Variants in POLR3B observed in about 807,000 individuals in gnomAD.
The protein encoded by POLR3B is DNA-directed RNA polymerase III subunit RPC2.
In POLR3B, 96 loss-of-function variants were observed where a neutral mutation model predicts 147.4. That is an observed-to-expected ratio of 0.65 (90% CI 0.55 to 0.77). The LOEUF (loss-of-function observed/expected upper bound fraction) is 0.77, where lower values mean the gene tolerates loss of function less well. POLR3B is among the 30% of genes least tolerant of loss of function. The probability of loss-of-function intolerance (pLI) is 0.00; values close to 1 mark genes in which losing one functional copy is unlikely to be tolerated. For synonymous variants in POLR3B, 461 were observed against 485.9 expected, an observed-to-expected ratio of 0.95 and a Z score of 0.67; for missense variants, 1,036 against 1,413.5, an observed-to-expected ratio of 0.73 and a Z score of 4.28.
At chr12:106,360,901 G>A (rs760593148) in intron 1 of POLR3B, among the ~76,000 whole-genome samples, 15 of 152,198 alleles carry the variant, frequency 9.9e-5, no homozygotes, top group Non-Finnish European at 1.6e-4. Context: ...ACAAGTAGGC[G>A]AGGGGTATTT....
In POLR3B at chr12:106,509,715, C is replaced by G. The variant is rs1254726720; in HGVS notation, c.*166C>G. 1.7e-6 allele frequency: 1 copy of G among 604,022 alleles called. No homozygotes were observed. Among genetic ancestry groups the G allele is most frequent in the Admixed American group, 2.5e-5 (1 of 39,840 alleles). 37.4% of individuals were successfully genotyped at this position (604,022 alleles called of 1,614,324 possible). A position where few individuals can be genotyped will look rare whatever the true frequency, so the allele number is the denominator to read the frequency against. ...GGCTTTTTATATACTCTAAGACTGG[C>G]TAAACAACCTTGATCATTGAGCCTC... On this transcript the variant is annotated 3_prime_UTR_variant, in exon 28 of 28. Transcript: ENST00000228347.
At chr12:106,443,513 A>G (rs2137015849) in intron 18 of POLR3B, among the ~76,000 whole-genome samples, 1 of 149,638 alleles carries the variant, frequency 6.7e-6, no homozygotes, top group South Asian at 2.1e-4. Flanking sequence ...GTTGGTCTAT[A>G]GTAACTATTC....
chr12:106,475,749 C>A (rs2038158381), intron 23 of POLR3B, among the ~76,000 whole-genome samples: 1 of 147,948 alleles, frequency 6.8e-6, no homozygotes, highest in Non-Finnish European at 1.5e-5. Context: ...TTATTTTGAG[C>A]CTATGTGTGT....
intron 7 of POLR3B, 115 bp from the exon 8 acceptor site, chr12:106,378,152 G>C: frequency 1.3e-6 from 1 of 771,850 alleles, no homozygotes; most frequent in Non-Finnish European, 2.4e-6. Context: ...GTGTTAGCCA[G>C]TGCCATGAAG....
chr12:106,480,306 A>G (rs1276541202), intron 23 of POLR3B, among the ~76,000 whole-genome samples: 1 of 152,196 alleles, frequency 6.6e-6, no homozygotes, highest in African/African-American at 2.4e-5. Context: ...TCTGTGTCCC[A>G]TGGATAGAAC....
chr12:106,412,908 A>G (rs2037248163), intron 12 of POLR3B, among the ~76,000 whole-genome samples: 1 of 152,130 alleles, frequency 6.6e-6, no homozygotes, highest in African/African-American at 2.4e-5. Flanking sequence ...ACATCTTTTT[A>G]TGTGCCTATT....
At chr12:106,369,240 A>C in intron 4 of POLR3B, 35 bp from the exon 5 acceptor site, 1 of 1,079,376 alleles carries the variant, frequency 9.3e-7, no homozygotes, top group Non-Finnish European at 1.4e-6. Flanking sequence ...ATCTTCGAAG[A>C]AGTATAATTC....
Position 106,405,913 on chromosome 12 carries a change from A to C in POLR3B, c.903A>C (p.Pro301=). ...VRRQRMWGGG[P]KKTKIEEARE... is the part of the protein sequence containing the mutation. ...GGCAAAGGATGTGGGGAGGTGGACC[A>C]AAGAAAACCAAAATAGAAGAAGCAA... Residue 301 remains proline, a synonymous_variant, in exon 11 of 28, where the codon CCA becomes CCC. Coordinates refer to ENST00000228347, the MANE Select transcript of POLR3B (RefSeq NM_018082.6). 6.2e-7 allele frequency: 1 copy of C among 1,613,868 alleles called. No individual in the cohort carries two copies. Among genetic ancestry groups the C allele is most frequent in the South Asian group, 1.1e-5 (1 of 91,086 alleles).
intron 9 of POLR3B, among the ~76,000 whole-genome samples, chr12:106,386,778 G>T (rs1170210814): frequency 6.6e-6 from 1 of 151,976 alleles, no homozygotes; most frequent in East Asian, 1.9e-4. Flanking sequence ...ATGGTGGCAG[G>T]TGCCTGTAGT....
Position 106,504,046 on chromosome 12 carries a change from A to G in POLR3B, c.3099-35A>G, listed in dbSNP as rs113701122. 7 of 1,599,348 alleles carry G rather than the reference A, an allele frequency of 4.4e-6. No homozygotes were observed. Among genetic ancestry groups the G allele is most frequent in the African/African-American group, 1.3e-5 (1 of 74,742 alleles). On this transcript the variant is annotated intron_variant, in intron 26 of 27. Transcript: ENST00000228347. This position sits in a 1 kb window ranked among gnomAD's most constrained non-coding sequence, Gnocchi z 4.6. ...GCTACCTCTTTGTTTGTTTAACAGA[A>G]TAATAACACATTTGTCTAATAACTT...
chr12:106,493,622 C>T (rs981599327), intron 23 of POLR3B, among the ~76,000 whole-genome samples: 14 of 152,220 alleles, frequency 9.2e-5, no homozygotes, highest in Admixed American at 6.5e-5. Flanking sequence ...GCACAGTCAG[C>T]GGACCAGAAT....
intron 19 of POLR3B, among the ~76,000 whole-genome samples, chr12:106,453,533 A>C (rs2037825906): frequency 1.3e-5 from 2 of 152,038 alleles, no homozygotes; most frequent in African/African-American, 2.4e-5. Context: ...TGCCTTAGCT[A>C]TTCACAGGGG....
intron 23 of POLR3B, among the ~76,000 whole-genome samples, chr12:106,482,132 T>C (rs2038275861): frequency 6.6e-6 from 1 of 152,252 alleles, no homozygotes; most frequent in Non-Finnish European, 1.5e-5. Context: ...AACTAAGGTC[T>C]ACAACTTTGG....
At chr12:106,360,360 T>C (rs1359237989) in intron 1 of POLR3B, among the ~76,000 whole-genome samples, 2 of 152,090 alleles carry the variant, frequency 1.3e-5, no homozygotes, top group Non-Finnish European at 2.9e-5. Flanking sequence ...TTTCCCATGG[T>C]TCCCCCCTCT....
chr12:106,432,502 G>T (rs373377798), intron 15 of POLR3B, 22 bp downstream of exon 15: 1 of 1,591,674 alleles, frequency 6.3e-7, no homozygotes, highest in African/African-American at 1.3e-5. Flanking sequence ...ATAGAGACAT[G>T]TTGGTCCTAG....
chr12:106,422,952 A>G (rs1342918215), intron 12 of POLR3B, among the ~76,000 whole-genome samples: 1 of 152,070 alleles, frequency 6.6e-6, no homozygotes, highest in Non-Finnish European at 1.5e-5. Context: ...TTTTCTTTTC[A>G]TTTATTTTGG....
chr12:106,385,892 A>G lies in POLR3B; in HGVS notation c.723+5753A>G, dbSNP rs183893131. Among the ~76,000 whole-genome samples the G allele has an allele frequency of 4.0e-3, 616 of 152,346 alleles. 2 individuals carry two copies. Among genetic ancestry groups the G allele is most frequent in the Middle Eastern group, 6.8e-3 (2 of 294 alleles). Reference sequence around the variant, plus strand: ...TGATGATAGTCTTAGTAGCAGTACCATGATATCAGAGGGCCCAGGAAGAAT... The same window carrying G: ...TGATGATAGTCTTAGTAGCAGTACCGTGATATCAGAGGGCCCAGGAAGAAT... On this transcript the variant is annotated intron_variant, in intron 9 of 27. Transcript: ENST00000228347.
chr12:106,490,695 A>G (rs540841272), intron 23 of POLR3B, among the ~76,000 whole-genome samples: 19 of 152,264 alleles, frequency 1.2e-4, no homozygotes, highest in African/African-American at 4.3e-4. Flanking sequence ...GATAGCTGGA[A>G]AAGGGGAGGG....
chr12:106,482,550 T>TGTGAGAACTCACTCACTATC (rs2038282428), intron 23 of POLR3B, among the ~76,000 whole-genome samples: 2 of 152,132 alleles, frequency 1.3e-5, no homozygotes, highest in Non-Finnish European at 2.9e-5. Flanking sequence ...AACCAGTTCC[T>TGTGAGAACTCACTCACTATC]GTGAGAACTC....
Sources: allele counts gnomAD v4.1 joint callset (sites outside exome capture counted in the v4.1 genomes callset), GRCh38; gene constraint gnomAD v4.1.1; non-coding constraint Gnocchi (gnomAD v3.1); transcripts MANE v1.5; gene names NCBI Gene and HGNC (gene_info 2026-07-23, HGNC 2026-07-21).